MCTP1: variants seen among roughly 807,000 people sequenced by gnomAD.
MCTP1 encodes the protein multiple C2 and transmembrane domain containing 1, also known as multiple C2 and transmembrane domain-containing protein 1.
In MCTP1, 69 loss-of-function variants were observed where a neutral mutation model predicts 120.6. That is an observed-to-expected ratio of 0.57 (90% confidence interval 0.47 to 0.70). The LOEUF is 0.70. Among genes scored for constraint, MCTP1 ranks in the 30% least tolerant of loss-of-function variants. The pLI is 0.00. For synonymous variants in MCTP1, 529 were observed against 493.1 expected (o/e 1.07, Z -0.96); for missense variants, 1,203 against 1,248.8 (o/e 0.96, Z 0.55).
At chr5:95,021,009 GCTT>G (rs1441733182) in intron 1 of MCTP1, among the ~76,000 whole-genome samples, 2 of 152,014 alleles carry the variant, frequency 1.3e-5, no homozygotes, top group Non-Finnish European at 2.9e-5. Context: ...TTTTTCAAAA[GCTT>G]CTTGATTATT....
At chr5:95,277,877 T>C (rs930989683) in intron 1 of MCTP1, among the ~76,000 whole-genome samples, 12 of 152,034 alleles carry the variant, frequency 7.9e-5, no homozygotes, top group African/African-American at 2.9e-4. Context: ...GAGAAGAAAA[T>C]TGTTCTCTCA....
chr5:94,742,021 T>G (rs1765629415), intron 19 of MCTP1, among the ~76,000 whole-genome samples: 1 of 152,148 alleles, frequency 6.6e-6, no homozygotes, highest in Admixed American at 6.6e-5. Flanking sequence ...CTACTTTATT[T>G]CTAGAGTGTT....
intron 3 of MCTP1, among the ~76,000 whole-genome samples, chr5:94,947,526 T>A (rs1347266648): frequency 3.6e-5 from 5 of 137,972 alleles, no homozygotes; most frequent in African/African-American, 1.3e-4. Flanking sequence ...TTCAAAATAA[T>A]CTAAAAATAT....
intron 1 of MCTP1, among the ~76,000 whole-genome samples, chr5:95,065,158 AATT>A (rs1288978820): frequency 1.8e-4 from 28 of 152,182 alleles, no homozygotes; most frequent in South Asian, 1.0e-3. Context: ...TTAATTAATT[AATT>A]ATTAAGAACT....
At chr5:94,865,241 T>C (rs10050409) in intron 17 of MCTP1, among the ~76,000 whole-genome samples, 5,207 of 151,926 alleles carry the variant, frequency 0.034, 307 homozygotes, top group African/African-American at 0.12. Flanking sequence ...TCTTGTGCTC[T>C]CTACTTCAAT....
chr5:94,953,896 TATATATATGCATATATATACAAATATA>T lies in MCTP1; in HGVS notation c.839-562_839-536del, dbSNP rs1561916766. Among the ~76,000 whole-genome samples, 18 of 60,550 alleles carry T rather than the reference TATATATATGCATATATATACAAATATA, an allele frequency of 3.0e-4. 4 individuals are homozygous for T. The highest frequency in any genetic ancestry group is 2.2e-3 in the East Asian group (6 of 2,682). 39.7% of individuals were successfully genotyped at this position (60,550 alleles called of 152,430 possible). A position where few individuals can be genotyped will look rare whatever the true frequency, so the allele number is the denominator to read the frequency against. On this transcript the variant is annotated intron_variant, in intron 2 of 22. Transcript: ENST00000515393. ...AAATATATATGCATATATATACAAA[TATATATATGCATATATATACAAATATA>T]ATATATGCATATATATACAAATATA...
intron 1 of MCTP1, among the ~76,000 whole-genome samples, chr5:95,175,499 A>G (rs1747858783): frequency 1.3e-5 from 2 of 152,214 alleles, no homozygotes; most frequent in South Asian, 4.1e-4. Context: ...AACAATTAGA[A>G]AAACATTTGG....
chr5:94,831,222 G>A (rs1788445328), intron 17 of MCTP1, among the ~76,000 whole-genome samples: 1 of 152,136 alleles, frequency 6.6e-6, no homozygotes, highest in Non-Finnish European at 1.5e-5. Context: ...AAAATTTCTA[G>A]GTGCTCAGAC....
At position 95,159,296 on chromosome 5, in the gene MCTP1, C is replaced by T. The variant is rs553664526; in HGVS notation, c.720+124560G>A. The stretch of plus-strand genomic sequence containing the variant: ...ACTCAGAAAACATATATGGAATTTG[C>T]AATATTTGAGAGATTCAAGAGGCTA... On this transcript the variant is annotated intron_variant, in intron 1 of 22. Transcript: ENST00000515393. 2.6e-5 allele frequency among the ~76,000 whole-genome samples: 4 copies of T among 152,202 alleles called. No individual in the cohort carries two copies. In the South Asian group the frequency reaches 8.3e-4, roughly 32 times the overall value.
At chr5:94,832,766 T>C (rs1196871039) in intron 17 of MCTP1, among the ~76,000 whole-genome samples, 1 of 152,226 alleles carries the variant, frequency 6.6e-6, no homozygotes, top group Admixed American at 6.5e-5. Context: ...TGTGGGCCCT[T>C]GTAGTGCAAT....
intron 19 of MCTP1, among the ~76,000 whole-genome samples, chr5:94,729,950 A>G (rs191925523): frequency 6.6e-6 from 1 of 152,304 alleles, no homozygotes; most frequent in South Asian, 2.1e-4. Context: ...TTAAAATACC[A>G]CTTAGGTAGA....
chr5:94,894,818 G>A lies in MCTP1; in HGVS notation c.1670C>T (p.Ser557Leu). 6.3e-7 allele frequency: 1 copy of A among 1,588,160 alleles called. No homozygotes were observed. The highest frequency in any genetic ancestry group is 8.6e-7 in the Non-Finnish European group (1 of 1,162,610). The stretch of plus-strand genomic sequence containing the variant: ...GTGCGTCTGTTCCCTACTGAGGGCT[G>A]ACAGGTCGACCTGGCACCTAGAGAC... ...DFIGRCQVDL[S>L]ALSREQTHKL... Residue 557 changes from serine (S) to leucine (L), a missense_variant, in exon 11 of 23, where the codon TCA (serine) becomes TTA (leucine). By Grantham distance (145) the Ser-to-Leu change is moderately radical (BLOSUM62 -2). Coordinates refer to ENST00000515393, the MANE Select transcript of MCTP1 (RefSeq NM_024717.7).
intron 1 of MCTP1, among the ~76,000 whole-genome samples, chr5:95,138,270 C>A (rs1283121856): frequency 1.4e-5 from 2 of 145,122 alleles, no homozygotes; most frequent in Non-Finnish European, 3.0e-5. Context: ...TGTTTTGGAG[C>A]TCGATGGGAA....
chr5:95,277,444 G>A (rs1250618762), intron 1 of MCTP1, among the ~76,000 whole-genome samples: 2 of 152,184 alleles, frequency 1.3e-5, no homozygotes, highest in Admixed American at 6.5e-5. Context: ...AATTGAGAAG[G>A]CAATAATATC....
At chr5:95,085,404 A>ATTTT (rs33917216) in intron 1 of MCTP1, among the ~76,000 whole-genome samples, 2 of 144,742 alleles carry the variant, frequency 1.4e-5, no homozygotes, top group Non-Finnish European at 3.0e-5. Context: ...GATCCTTTAA[A>ATTTT]TTTTTTTTTT....
intron 3 of MCTP1, among the ~76,000 whole-genome samples, chr5:94,947,599 G>GAC (rs1819404875): frequency 1.0e-5 from 1 of 97,934 alleles, no homozygotes; most frequent in African/African-American, 3.9e-5. Context: ...GAGAGAGAGA[G>GAC]AGAGAGAGAG....
intron 1 of MCTP1, among the ~76,000 whole-genome samples, chr5:95,186,420 A>G (rs905621955): frequency 6.6e-6 from 1 of 152,112 alleles, no homozygotes; most frequent in Non-Finnish European, 1.5e-5. Context: ...TACTATTTAG[A>G]ATCACTTCAA....
chr5:95,081,620 T>C, intron 1 of MCTP1: 1 of 1,375,602 alleles, frequency 7.3e-7, no homozygotes, highest in Non-Finnish European at 9.4e-7. Context: ...GAGCACTTGC[T>C]GCTCTGCACA....
intron 1 of MCTP1, among the ~76,000 whole-genome samples, chr5:95,077,407 T>C (rs1753835849): frequency 6.6e-6 from 1 of 152,178 alleles, no homozygotes; most frequent in African/African-American, 2.4e-5. Context: ...TGTGTAAATA[T>C]ATATGTATAT....
Sources: allele counts gnomAD v4.1 joint callset (sites outside exome capture counted in the v4.1 genomes callset), GRCh38; gene constraint gnomAD v4.1.1; transcripts MANE v1.5; gene names NCBI Gene and HGNC (gene_info 2026-07-23, HGNC 2026-07-21).